IHO1: variants seen among roughly 807,000 people sequenced by gnomAD.
IHO1 encodes the protein interactor of HORMAD1 protein 1.
IHO1 carries 13 observed loss-of-function variants against 31.0 expected under a neutral mutation model. The ratio of observed to expected loss-of-function variants is 0.42; its 90% CI spans 0.27 to 0.67. The LOEUF is 0.67. Among genes scored for constraint, IHO1 ranks in the 30% least tolerant of loss-of-function variants. The pLI is 0.24. For synonymous variants in IHO1, 221 were observed against 248.4 expected, an observed-to-expected ratio of 0.89 and a Z score of 1.04; for missense variants, 599 against 687.5, an observed-to-expected ratio of 0.87 and a Z score of 1.44.
At chr3:49,239,809 T>A (rs1448047005) in intron 3 of IHO1, among the ~76,000 whole-genome samples, 1 of 151,606 alleles carries the variant, frequency 6.6e-6, no homozygotes, top group East Asian at 2.0e-4. Flanking sequence ...ATTACAGGCA[T>A]GCGCACCACG....
chr3:49,243,842 C>A, intron 4 of IHO1, among the ~76,000 whole-genome samples: 1 of 148,120 alleles, frequency 6.8e-6, no homozygotes, highest in African/African-American at 2.5e-5. Context: ...TGAATATTTT[C>A]ATATTAATAT....
rs1443488634 is a variant in IHO1 at position 49,257,424 on chromosome 3, C to T, written c.*142C>T. The T allele has an allele frequency of 1.3e-6, 1 of 780,366 alleles. No individual in the cohort carries two copies. Among genetic ancestry groups the T allele is most frequent in the East Asian group, 2.5e-5 (1 of 40,780 alleles). 48.3% of individuals were successfully genotyped at this position (780,366 alleles called of 1,614,324 possible). A position where few individuals can be genotyped will look rare whatever the true frequency, so the allele number is the denominator to read the frequency against. On this transcript the variant is annotated 3_prime_UTR_variant, in exon 8 of 8. Coordinates refer to ENST00000452691, the MANE Select transcript of IHO1 (RefSeq NM_001135197.2). ...TGAGGTGGGGCAATGAGCACGAGGG[C>T]AGGGAAGGTCCAGCATTCTGGGTAC...
rs144828648 is a variant in IHO1, at chr3:49,213,062, G to A, written c.56+1226G>A. Reference sequence around the variant, plus strand: ...TGAGCTAGACACAAAAGTTCTCCAAGTCCCCACAGAGCACTGATTGGTGCA... The same window carrying A: ...TGAGCTAGACACAAAAGTTCTCCAAATCCCCACAGAGCACTGATTGGTGCA... On this transcript the variant is annotated intron_variant, in intron 2 of 7. Coordinates refer to ENST00000452691, the MANE Select transcript of IHO1 (RefSeq NM_001135197.2). 6.2e-3 allele frequency among the ~76,000 whole-genome samples: 942 copies of A among 152,294 alleles called. 9 individuals carry two copies. Among genetic ancestry groups the A allele is most frequent in the African/African-American group, 0.022 (900 of 41,554 alleles).
chr3:49,245,221 C>T (rs2046679656), intron 6 of IHO1: 1 of 173,474 alleles, frequency 5.8e-6, no homozygotes, highest in Middle Eastern at 2.5e-3. Flanking sequence ...GAGTCTCGCT[C>T]TGTCACCCAG....
In IHO1 at chr3:49,251,861, C is replaced by T. The variant is rs1006519873; in HGVS notation, c.533-3529C>T. On this transcript the variant is annotated intron_variant, in intron 6 of 7. Transcript: ENST00000452691. ...AGCTGATCTGCCCGCGTCGGCCACC[C>T]GAAGTGCTGGGATTACGGGCGGAGC... 2.6e-4 allele frequency among the ~76,000 whole-genome samples: 39 copies of T among 151,922 alleles called. 1 individual carries two copies. Among genetic ancestry groups the T allele is most frequent in the Admixed American group, 2.5e-3 (38 of 15,230 alleles).
At chr3:49,214,510 C>T (rs912825287) in intron 2 of IHO1, among the ~76,000 whole-genome samples, 3 of 131,816 alleles carry the variant, frequency 2.3e-5, no homozygotes, top group Non-Finnish European at 4.6e-5. Context: ...AGTTATCAAT[C>T]GATCAGAAAC....
chr3:49,201,680 GC>G (rs2046071162), intron 1 of IHO1, among the ~76,000 whole-genome samples: 1 of 152,100 alleles, frequency 6.6e-6, no homozygotes, highest in Admixed American at 6.6e-5. Flanking sequence ...ACTTTGGGAA[GC>G]CGAGGCGGGT....
chr3:49,216,521 G>A (rs931804302), intron 2 of IHO1, among the ~76,000 whole-genome samples: 4 of 152,096 alleles, frequency 2.6e-5, no homozygotes, highest in Non-Finnish European at 5.9e-5. Context: ...TTAAATGTAA[G>A]GCCTAACACC....
chr3:49,237,795 G>A (rs1208118578), intron 3 of IHO1, among the ~76,000 whole-genome samples: 1 of 150,344 alleles, frequency 6.7e-6, no homozygotes, highest in African/African-American at 2.4e-5. Context: ...AGAAGGAGAT[G>A]AGGATTCTGA....
chr3:49,257,087 G>A lies in IHO1; in HGVS notation c.1590G>A (p.Gln530=), dbSNP rs750251883. The change falls in exon 8 of 8, where the codon CAG becomes CAA. Residue 530 remains glutamine, a synonymous_variant. Coordinates refer to ENST00000452691, the MANE Select transcript of IHO1 (RefSeq NM_001135197.2). ...VMPNKTVRAV[Q]GRLLQLSRCS... is the part of the protein sequence containing the mutation. ...CCAATAAGACAGTAAGGGCAGTGCA[G>A]GGAAGACTCTTGCAGCTCAGCAGGT... 6 of 1,614,062 alleles carry A rather than the reference G, an allele frequency of 3.7e-6. No individual in the cohort carries two copies. The East Asian group carries it at 1.3e-4, about 36-fold the overall frequency.
At chr3:49,219,993 G>A (rs2046334271) in intron 2 of IHO1, among the ~76,000 whole-genome samples, 1 of 152,194 alleles carries the variant, frequency 6.6e-6, no homozygotes, top group Admixed American at 6.5e-5. Context: ...AAGAAAAAGA[G>A]TGGCCTGAGC....
At chr3:49,248,397 C>T (rs1275718959) in intron 6 of IHO1, among the ~76,000 whole-genome samples, 5 of 151,180 alleles carry the variant, frequency 3.3e-5, no homozygotes, top group Non-Finnish European at 7.4e-5. Context: ...CCAGCCTGGG[C>T]GATAGAACCA....
In IHO1 at chr3:49,256,923, C is replaced by A. The variant is rs1262561948; in HGVS notation, c.1426C>A (p.Gln476Lys). The A allele has an allele frequency of 1.2e-6, 2 of 1,614,126 alleles. No individual in the cohort carries two copies. The highest frequency in any genetic ancestry group is 2.7e-5 in the African/African-American group (2 of 74,944). The change falls in exon 8 of 8, where the codon CAG becomes AAG. Residue 476 changes from glutamine (Q) to lysine (K), a missense_variant. Transcript: ENST00000452691. The surrounding 1 kb of genome is among the most constrained non-coding windows in gnomAD (Gnocchi z 4.6). ...GACCTGTAAATTCAATTCCAAATAT[C>A]AGAGTCCTCAGCCTGCAATTTCTGT... ...IQTCKFNSKY[Q>K]SPQPAISVPQ... is the part of the protein sequence containing the mutation.
chr3:49,213,996 A>G (rs1442681149), intron 2 of IHO1: 2 of 410,362 alleles, frequency 4.9e-6, no homozygotes, highest in East Asian at 7.7e-5. Flanking sequence ...CACCTCTCAG[A>G]GGTACCTCAT....
At chr3:49,251,599 G>T (rs995766038) in intron 6 of IHO1, among the ~76,000 whole-genome samples, 7 of 151,042 alleles carry the variant, frequency 4.6e-5, no homozygotes, top group Non-Finnish European at 7.4e-5. Flanking sequence ...TTAGTTGTTG[G>T]TTTTTTTGTC....
chr3:49,208,491 C>G (rs894348450), intron 1 of IHO1, among the ~76,000 whole-genome samples: 1 of 152,184 alleles, frequency 6.6e-6, no homozygotes. Flanking sequence ...CATTTTGAAA[C>G]CATCCCCAAC....
At chr3:49,210,749 G>A (rs1347086734) in intron 1 of IHO1, among the ~76,000 whole-genome samples, 1 of 145,960 alleles carries the variant, frequency 6.9e-6, no homozygotes, top group Non-Finnish European at 1.5e-5. Context: ...CCAGGCTGGA[G>A]TGCAGTCGTG....
chr3:49,216,938 G>A (rs895727729), intron 2 of IHO1, among the ~76,000 whole-genome samples: 3 of 152,198 alleles, frequency 2.0e-5, no homozygotes, highest in Admixed American at 6.5e-5. Context: ...ACCACAATGA[G>A]ATACCATCTC....
At position 49,257,320 on chromosome 3, in the gene IHO1, A is replaced by G; in HGVS notation, c.*38A>G. On this transcript the variant is annotated 3_prime_UTR_variant, in exon 8 of 8. Coordinates refer to ENST00000452691, the MANE Select transcript of IHO1 (RefSeq NM_001135197.2). ...TGATTTATTGGTCTCAGCTAGAAAG[A>G]GAAATTGCAGGACATTTGGGCTGGC... 1 of 1,576,634 alleles carries G rather than the reference A, an allele frequency of 6.3e-7. No individual in the cohort carries two copies.
Sources: gnomAD v4.1 joint callset for allele counts (sites outside exome capture counted in the v4.1 genomes callset) on GRCh38, gnomAD v4.1.1 for gene constraint, Gnocchi (gnomAD v3.1) non-coding constraint, MANE v1.5 for transcripts, NCBI Gene and HGNC (gene_info 2026-07-23, HGNC 2026-07-21) for gene names.